The following FGD4 variants were observed in gnomAD, a reference collection of about 807,000 sequenced individuals.
The protein encoded by FGD4 is FYVE, RhoGEF and PH domain containing 4, also known as FYVE, RhoGEF and PH domain-containing protein 4.
A neutral mutation model predicts 102.0 loss-of-function variants in FGD4; 42 were observed. That is an observed-to-expected ratio of 0.41 (90% CI 0.32 to 0.53). The LOEUF (loss-of-function observed/expected upper bound fraction) is 0.53. Among genes scored for constraint, FGD4 ranks in the 20% least tolerant of loss-of-function variants. The pLI is 0.21. For missense variants in FGD4, 902 were observed against 1,078.2 expected, an observed-to-expected ratio of 0.84 and a Z score of 2.29; for synonymous variants, 380 against 375.7, an observed-to-expected ratio of 1.01 and a Z score of -0.13.
In FGD4 at chr12:32,598,536, C is replaced by A. The variant is rs1280698411; in HGVS notation, c.1051C>A (p.Leu351Ile). The change falls in exon 5 of 17, where the codon CTT becomes ATT. Residue 351 changes from leucine to isoleucine, a missense_variant. Leu to Ile is a conservative substitution (Grantham distance 5, BLOSUM62 2). Around this residue, in one of 2 missense-constraint regions of FGD4, gnomAD observed 443 missense variants for 459.2 expected, o/e 0.96. Transcript: ENST00000534526. ...AAAACTTCACAAAATAGCCAATGAA[C>A]TTTTGCTTACTGAAAGAGCTTATGT... ...EQKLHKIANE[L>I]LLTERAYVNR... 2.1e-5 allele frequency: 34 copies of A among 1,613,506 alleles called. No homozygotes were observed. The highest frequency in any genetic ancestry group is 2.8e-5 in the Non-Finnish European group (33 of 1,179,822).
chr12:32,493,380 G>T (rs1944178151), intron 1 of FGD4, among the ~76,000 whole-genome samples: 2 of 152,238 alleles, frequency 1.3e-5, no homozygotes, highest in East Asian at 3.9e-4. Context: ...ACTTTCCTTT[G>T]AGCCCTACTC....
At chr12:32,545,892 A>G (rs1278358091) in intron 1 of FGD4, among the ~76,000 whole-genome samples, 1 of 152,202 alleles carries the variant, frequency 6.6e-6, no homozygotes, top group Non-Finnish European at 1.5e-5. Flanking sequence ...GTAGCAGGGT[A>G]TAATTGCTGA....
chr12:32,600,073 T>C (rs1948268485), intron 5 of FGD4, among the ~76,000 whole-genome samples: 3 of 152,170 alleles, frequency 2.0e-5, no homozygotes, highest in Non-Finnish European at 4.4e-5. Flanking sequence ...GGGTGAGCCA[T>C]GAGAAGCCAT....
At chr12:32,611,894 C>T (rs1248773947) in intron 10 of FGD4, among the ~76,000 whole-genome samples, 1 of 152,220 alleles carries the variant, frequency 6.6e-6, no homozygotes, top group East Asian at 1.9e-4. Context: ...CCTGTGCTCT[C>T]AGGGGCCCGG....
intron 1 of FGD4, among the ~76,000 whole-genome samples, chr12:32,413,973 CTT>C (rs34824025): frequency 6.2e-5 from 8 of 129,238 alleles, no homozygotes; most frequent in Admixed American, 8.0e-5. Flanking sequence ...CTTGAGGATA[CTT>C]TTTTTTTTTT....
intron 7 of FGD4, among the ~76,000 whole-genome samples, chr12:32,603,433 G>A (rs1294877309): frequency 6.6e-6 from 1 of 151,944 alleles, no homozygotes; most frequent in Non-Finnish European, 1.5e-5. Flanking sequence ...TGTTGCCCAG[G>A]CTGGAGTGCA....
intron 1 of FGD4, among the ~76,000 whole-genome samples, chr12:32,491,212 G>A (rs977709663): frequency 4.7e-5 from 7 of 148,836 alleles, no homozygotes; most frequent in African/African-American, 1.7e-4. Flanking sequence ...AACAAATTAT[G>A]AAGATGTAAG....
intron 1 of FGD4, among the ~76,000 whole-genome samples, chr12:32,481,176 T>C (rs940675567): frequency 1.8e-4 from 23 of 128,768 alleles, no homozygotes; most frequent in Non-Finnish European, 3.2e-4. Context: ...CAGTGGCTCA[T>C]GCCTGTAATC....
chr12:32,399,693 G>C lies in FGD4; in HGVS notation c.-101G>C. 1 of 1,464,924 alleles carries C rather than the reference G, an allele frequency of 6.8e-7. No homozygotes were observed. Among genetic ancestry groups the C allele is most frequent in the Admixed American group, 2.4e-5 (1 of 41,812 alleles). 90.7% of individuals were successfully genotyped at this position (1,464,924 alleles called of 1,614,324 possible). On this transcript the variant is annotated 5_prime_UTR_variant, in exon 1 of 17. Transcript: ENST00000534526. ...GACGCCGCAGTAGAGGGCGCCCCCG[G>C]AGTCGCGCCGAACCTGGGCATGCAG...
intron 1 of FGD4, among the ~76,000 whole-genome samples, chr12:32,478,419 C>A (rs1943639504): frequency 6.6e-6 from 1 of 152,076 alleles, no homozygotes; most frequent in South Asian, 2.1e-4. Context: ...TGTATGCCAC[C>A]ACACCTGGCT....
chr12:32,502,019 C>T (rs1191714843), intron 1 of FGD4: 32 of 985,270 alleles, frequency 3.2e-5, no homozygotes, highest in Non-Finnish European at 3.9e-5. Context: ...TATATATGTT[C>T]CTTCCTTTAG....
At chr12:32,595,267 C>T (rs1947805863) in intron 4 of FGD4, among the ~76,000 whole-genome samples, 1 of 152,130 alleles carries the variant, frequency 6.6e-6, no homozygotes, top group Non-Finnish European at 1.5e-5. Context: ...GTAGTAATTG[C>T]TTAAAAATTA....
At chr12:32,542,867 A>C (rs915881216) in intron 1 of FGD4, among the ~76,000 whole-genome samples, 4 of 152,156 alleles carry the variant, frequency 2.6e-5, no homozygotes, top group African/African-American at 9.7e-5. Context: ...GGGGATGTCT[A>C]GGTTGTTTTT....
At chr12:32,607,130 A>G (rs991573453) in intron 7 of FGD4, among the ~76,000 whole-genome samples, 37 of 152,208 alleles carry the variant, frequency 2.4e-4, no homozygotes, top group African/African-American at 8.9e-4. Context: ...GACTTCACAA[A>G]CCCTTGTAGT....
At chr12:32,529,505 G>C (rs1223859491) in intron 1 of FGD4, among the ~76,000 whole-genome samples, 2 of 151,846 alleles carry the variant, frequency 1.3e-5, no homozygotes, top group Non-Finnish European at 2.9e-5. Flanking sequence ...TAATTTTCCT[G>C]TTACTTTTTT....
At chr12:32,505,836 T>C (rs761653673) in intron 1 of FGD4, among the ~76,000 whole-genome samples, 3 of 152,224 alleles carry the variant, frequency 2.0e-5, no homozygotes, top group Non-Finnish European at 4.4e-5. Context: ...TTTTTATTTT[T>C]ACCAGTTTAC....
intron 1 of FGD4, among the ~76,000 whole-genome samples, chr12:32,433,248 C>T (rs1288387274): frequency 3.5e-4 from 54 of 152,162 alleles, no homozygotes; most frequent in Non-Finnish European, 1.0e-4. Context: ...TCACCTGCCT[C>T]GGCTTCCTAA....
chr12:32,565,651 G>T (rs977725275), intron 2 of FGD4, among the ~76,000 whole-genome samples: 6 of 152,164 alleles, frequency 3.9e-5, no homozygotes, highest in African/African-American at 1.4e-4. Flanking sequence ...TCCAACGTCA[G>T]TGTATTGAGA....
At position 32,607,828 on chromosome 12, in the gene FGD4, C is replaced by T. The variant is rs551356752; in HGVS notation, c.1405-129C>T. ...TGTGCCTGGCCAGAAATCTGCATTT[C>T]ATGCAGGTGATGGACAGTCACACTT... On this transcript the variant is annotated intron_variant, in intron 7 of 16. Coordinates refer to ENST00000534526, the MANE Select transcript of FGD4 (RefSeq NM_001370298.3). The T allele has an allele frequency of 6.3e-6, 6 of 958,374 alleles. No individual in the cohort carries two copies. In the South Asian group the frequency reaches 8.5e-5, roughly 14 times the overall value. The allele number at this position is 958,374 out of a possible 1,614,324, so 59.4% of individuals were successfully genotyped here.
Sources: gnomAD v4.1 joint callset for allele counts (sites outside exome capture counted in the v4.1 genomes callset) on GRCh38, gnomAD v4.1.1 for gene constraint, gnomAD v4.1.1 regional missense constraint, MANE v1.5 for transcripts, NCBI Gene and HGNC (gene_info 2026-07-23, HGNC 2026-07-21) for gene names.